The following HMGXB4 variants were observed in gnomAD, a reference collection of about 807,000 sequenced individuals.
HMGXB4 encodes the protein HMG domain-containing protein 4.
A neutral mutation model predicts 63.9 loss-of-function variants in HMGXB4; 27 were observed. The observed-to-expected ratio is 0.42, with a 90% CI of 0.31 to 0.58. The LOEUF (loss-of-function observed/expected upper bound fraction) is 0.58, where lower values mean the gene tolerates loss of function less well. HMGXB4 is among the 20% of genes least tolerant of loss of function. The pLI is 0.13. For synonymous variants in HMGXB4, 264 were observed against 265.3 expected (o/e 0.99, Z 0.05); for missense variants, 624 against 700.7 (o/e 0.89, Z 1.24).
Position 35,262,390 on chromosome 22 carries a change from C to T in HMGXB4, c.-1C>T. 6.2e-7 allele frequency: 1 copy of T among 1,614,050 alleles called. No individual in the cohort carries two copies. The highest frequency in any genetic ancestry group is 8.5e-7 in the Non-Finnish European group (1 of 1,179,900). On this transcript the variant is annotated 5_prime_UTR_variant, in exon 2 of 11. Transcript: ENST00000216106. Reference sequence around the variant, plus strand: ...ATTCTCAAAGGCCCTGCAGGACCACCATGGCTTATGATGACTCCGTGAAGA... The same window carrying T: ...ATTCTCAAAGGCCCTGCAGGACCACTATGGCTTATGATGACTCCGTGAAGA...
At chr22:35,262,694 G>A (rs1474461805) in intron 2 of HMGXB4, 4 of 531,050 alleles carry the variant, frequency 7.5e-6, no homozygotes, top group South Asian at 2.3e-5. Context: ...GCCAGCTCCA[G>A]TGTGCAGGAG....
Position 35,265,170 on chromosome 22 carries a change from C to T in HMGXB4, c.782C>T (p.Ser261Phe). The change falls in exon 5 of 11, where the codon TCT (serine) becomes TTT (phenylalanine). Residue 261 changes from serine (S) to phenylalanine (F), a missense_variant. Physicochemically the swap from Ser to Phe is radical, Grantham distance 155. This residue lies in a region of HMGXB4 where 472 missense variants were observed against 470.6 expected (regional missense o/e 1.00). Coordinates refer to ENST00000216106, the MANE Select transcript of HMGXB4 (RefSeq NM_001003681.3). ...AAGTCATCCTCAGACGCACATTCATCTCCTGGCCCTGAAGGCTGTGGGTCT... is the reference window on the plus strand; with the variant it reads ...AAGTCATCCTCAGACGCACATTCATTTCCTGGCCCTGAAGGCTGTGGGTCT... Reference protein sequence around the residue: ...KHKSSSDAHSSPGPEGCGSDA... With the variant: ...KHKSSSDAHSFPGPEGCGSDA... 6.2e-7 allele frequency: 1 copy of T among 1,614,132 alleles called. No homozygotes were observed. Among genetic ancestry groups the T allele is most frequent in the Non-Finnish European group, 8.5e-7 (1 of 1,180,022 alleles).
intron 5 of HMGXB4, among the ~76,000 whole-genome samples, chr22:35,282,040 G>A (rs1261025631): frequency 2.6e-5 from 4 of 152,220 alleles, no homozygotes; most frequent in South Asian, 2.1e-4. Flanking sequence ...GTGCACGATC[G>A]AGCTTTGTTT....
rs191742853 is a variant in HMGXB4, at chr22:35,283,559, G to A, written c.1216-403G>A. ...AATCCCAGCACTTTGGGAGGCTGAGGTGGGCAGATCGCCTGAGGTCAGGAG... is the reference window on the plus strand; with the variant it reads ...AATCCCAGCACTTTGGGAGGCTGAGATGGGCAGATCGCCTGAGGTCAGGAG... On this transcript the variant is annotated intron_variant, in intron 5 of 10. Transcript: ENST00000216106. Among the ~76,000 whole-genome samples the A allele has an allele frequency of 1.4e-3, 215 of 152,264 alleles. 1 individual carries two copies. The highest frequency in any genetic ancestry group is 2.7e-3 in the Non-Finnish European group (187 of 68,034).
chr22:35,291,797 T>C (rs138894725), intron 9 of HMGXB4, among the ~76,000 whole-genome samples: 90 of 152,332 alleles, frequency 5.9e-4, no homozygotes, highest in African/African-American at 2.0e-3. Flanking sequence ...GAAGTCACTT[T>C]CTCTAGAGTT....
At chr22:35,252,670 G>A (rs542240764), upstream of HMGXB4, among the ~76,000 whole-genome samples, 131 of 152,336 alleles carry the variant, frequency 8.6e-4, 1 homozygote, top group African/African-American at 3.0e-3. Flanking sequence ...CTAGATGCAT[G>A]AGCTGGCAAA....
At chr22:35,257,724 G>A (rs987825226) in intron 1 of HMGXB4, among the ~76,000 whole-genome samples, 167 bp downstream of exon 1, 3 of 152,210 alleles carry the variant, frequency 2.0e-5, no homozygotes, top group Admixed American at 1.3e-4. Context: ...TGGAGTAGCG[G>A]CCGCAGCCGC....
the HMGXB4 span, among the ~76,000 whole-genome samples, chr22:35,243,523 CTTT>C: frequency 6.6e-6 from 1 of 151,692 alleles, no homozygotes; most frequent in African/African-American, 2.4e-5. Flanking sequence ...TTGTTTGTTT[CTTT>C]TTTTATTGTT....
At chr22:35,266,294 G>C (rs1381251360) in intron 5 of HMGXB4, among the ~76,000 whole-genome samples, 1 of 152,202 alleles carries the variant, frequency 6.6e-6, no homozygotes, top group African/African-American at 2.4e-5. Context: ...AAAATTGGTA[G>C]AACAATGAGC....
intron 4 of HMGXB4, chr22:35,264,128 C>T: frequency 7.4e-7 from 1 of 1,351,766 alleles, no homozygotes; most frequent in Non-Finnish European, 1.0e-6. Context: ...CAATCATCCA[C>T]TTATCTTGTG....
chr22:35,259,999 C>T (rs1368075875), intron 1 of HMGXB4, among the ~76,000 whole-genome samples: 1 of 152,172 alleles, frequency 6.6e-6, no homozygotes, highest in African/African-American at 2.4e-5. Context: ...CAGCCAGTAA[C>T]GAGACCACGA....
chr22:35,262,567 G>A, intron 2 of HMGXB4, 146 bp downstream of exon 2: 7 of 835,088 alleles, frequency 8.4e-6, no homozygotes, highest in Non-Finnish European at 7.9e-6. Context: ...CAGCCTCCAC[G>A]CCATCCCCAG....
upstream of HMGXB4, among the ~76,000 whole-genome samples, chr22:35,255,189 C>A (rs935700862): frequency 1.1e-4 from 16 of 152,014 alleles, no homozygotes; most frequent in African/African-American, 3.1e-4. Flanking sequence ...TTTGCCAAAG[C>A]AAAAGGGAAA....
chr22:35,287,566 T>C (rs1439694543), intron 8 of HMGXB4, 114 bp downstream of exon 8: 2 of 689,106 alleles, frequency 2.9e-6, no homozygotes, highest in Admixed American at 5.3e-5. Context: ...TTCCCAGGTA[T>C]TATTACCTGG....
intron 1 of HMGXB4, among the ~76,000 whole-genome samples, chr22:35,260,068 G>A (rs916948491): frequency 6.6e-6 from 1 of 152,128 alleles, no homozygotes; most frequent in Non-Finnish European, 1.5e-5. Flanking sequence ...CTGTTAGGTT[G>A]CCCAACTCTG....
At chr22:35,272,923 CTG>C (rs1304380603) in intron 5 of HMGXB4, among the ~76,000 whole-genome samples, 7 of 152,214 alleles carry the variant, frequency 4.6e-5, no homozygotes, top group African/African-American at 1.7e-4. Context: ...AACAGCGAGA[CTG>C]TGTCTCAAGA....
intron 1 of HMGXB4, among the ~76,000 whole-genome samples, chr22:35,259,929 G>A (rs542304555): frequency 5.9e-5 from 9 of 152,368 alleles, no homozygotes; most frequent in African/African-American, 2.2e-4. Flanking sequence ...GTGCCTCTGA[G>A]AAGCAGTTCC....
rs61133319 is a variant in HMGXB4 at position 35,285,826 on chromosome 22, A to G, written c.1298-171A>G. On this transcript the variant is annotated intron_variant, in intron 6 of 10. Transcript: ENST00000216106. ...TGACCATCAAAACATCCCCTTCCCT[A>G]TAGAAAAAAATCAAAGAAGAGTGAT... Among the ~76,000 whole-genome samples the G allele has an allele frequency of 9.1e-3, 1,379 of 152,324 alleles. 16 individuals carry two copies. Among genetic ancestry groups the G allele is most frequent in the African/African-American group, 0.031 (1,303 of 41,562 alleles).
Position 35,265,171 on chromosome 22 carries a change from T to A in HMGXB4, c.783T>A (p.Ser261=), listed in dbSNP as rs1164468874. Residue 261 remains serine, a synonymous_variant, in exon 5 of 11, where the codon TCT becomes TCA. Transcript: ENST00000216106. ...KHKSSSDAHS[S]PGPEGCGSDA... ...AGTCATCCTCAGACGCACATTCATC[T>A]CCTGGCCCTGAAGGCTGTGGGTCTG... 1 of 1,613,892 alleles carries A rather than the reference T, an allele frequency of 6.2e-7. No homozygotes were observed. Among genetic ancestry groups the A allele is most frequent in the Non-Finnish European group, 8.5e-7 (1 of 1,180,020 alleles).
Sources: gnomAD v4.1 joint callset for allele counts (sites outside exome capture counted in the v4.1 genomes callset) on GRCh38, gnomAD v4.1.1 for gene constraint, gnomAD v4.1.1 regional missense constraint, MANE v1.5 for transcripts, NCBI Gene and HGNC (gene_info 2026-07-23, HGNC 2026-07-21) for gene names.